GRM1: variants seen among roughly 807,000 people sequenced by gnomAD.
The protein encoded by GRM1 is glutamate metabotropic receptor 1, also known as metabotropic glutamate receptor 1.
In GRM1, 33 loss-of-function variants were observed where a neutral mutation model predicts 90.9. The ratio of observed to expected loss-of-function variants is 0.36; its 90% CI spans 0.28 to 0.49. The LOEUF (loss-of-function observed/expected upper bound fraction) is 0.49. Ranked by LOEUF, GRM1 falls within the 20% of genes least tolerant of loss-of-function variation. The pLI is 0.99. For missense variants in GRM1, 1,190 were observed against 1,534.3 expected (o/e 0.78, Z 3.75); for synonymous variants, 700 against 613.2 (o/e 1.14, Z -2.09).
At chr6:146,379,633 G>C (rs998794329) in intron 5 of GRM1, among the ~76,000 whole-genome samples, 4 of 152,126 alleles carry the variant, frequency 2.6e-5, no homozygotes, top group African/African-American at 9.7e-5. Context: ...GTTGATGCTA[G>C]TACATGCTCT....
chr6:146,028,746 G>T (rs914709913), upstream of GRM1, among the ~76,000 whole-genome samples: 10 of 152,052 alleles, frequency 6.6e-5, no homozygotes, highest in Non-Finnish European at 1.3e-4. Context: ...TAAAGTAAAA[G>T]GTGCATCCTT....
intron 1 of GRM1, among the ~76,000 whole-genome samples, chr6:146,046,116 C>T (rs575738112): frequency 3.3e-5 from 5 of 152,078 alleles, no homozygotes; most frequent in African/African-American, 9.6e-5. Context: ...CTTGCCTTTG[C>T]CTTTCTTACA....
intron 1 of GRM1, among the ~76,000 whole-genome samples, chr6:146,071,706 G>A (rs1354828770): frequency 6.6e-6 from 1 of 152,134 alleles, no homozygotes; most frequent in Non-Finnish European, 1.5e-5. Flanking sequence ...AGGGAGACAG[G>A]ATAAGGTAGG....
At chr6:146,269,463 A>G (rs1412201018) in intron 2 of GRM1, among the ~76,000 whole-genome samples, 1 of 152,218 alleles carries the variant, frequency 6.6e-6, no homozygotes, top group Non-Finnish European at 1.5e-5. Context: ...CTTCACAGAG[A>G]AGAGAATCTG....
intron 7 of GRM1, among the ~76,000 whole-genome samples, chr6:146,432,083 A>T (rs1382818997): frequency 6.6e-6 from 1 of 152,214 alleles, no homozygotes; most frequent in East Asian, 1.9e-4. Context: ...GATAGTGTGG[A>T]AGTCAATAAG....
intron 7 of GRM1, among the ~76,000 whole-genome samples, chr6:146,406,276 C>A (rs1170228069): frequency 6.6e-6 from 1 of 152,136 alleles, no homozygotes; most frequent in Non-Finnish European, 1.5e-5. Flanking sequence ...GACACTGGTT[C>A]TCACTCACCT....
chr6:146,346,019 C>A (rs192109818), intron 3 of GRM1, among the ~76,000 whole-genome samples: 1 of 152,370 alleles, frequency 6.6e-6, no homozygotes. Context: ...CTTGTTTCCT[C>A]TCTTATAGAA....
intron 1 of GRM1, among the ~76,000 whole-genome samples, chr6:146,059,862 T>G (rs1462456779): frequency 6.6e-6 from 1 of 152,192 alleles, no homozygotes; most frequent in Non-Finnish European, 1.5e-5. Context: ...CTGCAGAATC[T>G]TTCTTACCTC....
chr6:146,084,352 T>C (rs1018278771), intron 1 of GRM1, among the ~76,000 whole-genome samples: 16 of 152,048 alleles, frequency 1.1e-4, no homozygotes, highest in African/African-American at 3.6e-4. Flanking sequence ...GAGATCTTTC[T>C]AGCTTTCTGA....
At chr6:146,143,314 T>C (rs1295608283) in intron 1 of GRM1, among the ~76,000 whole-genome samples, 2 of 152,188 alleles carry the variant, frequency 1.3e-5, no homozygotes, top group Non-Finnish European at 2.9e-5. Flanking sequence ...GTAAAAGATA[T>C]ATAAAATGTG....
intron 2 of GRM1, among the ~76,000 whole-genome samples, chr6:146,208,107 G>T (rs1221380942): frequency 6.6e-6 from 1 of 151,866 alleles, no homozygotes; most frequent in East Asian, 1.9e-4. Flanking sequence ...GACTTCATTT[G>T]TATATACCTA....
chr6:146,285,905 T>G (rs373724584), intron 2 of GRM1, among the ~76,000 whole-genome samples: 1 of 152,220 alleles, frequency 6.6e-6, no homozygotes, highest in African/African-American at 2.4e-5. Context: ...AAATTGGATA[T>G]GCATATTTCA....
chr6:146,217,965 A>C (rs140607165), intron 2 of GRM1, among the ~76,000 whole-genome samples: 30 of 152,286 alleles, frequency 2.0e-4, no homozygotes, highest in African/African-American at 7.0e-4. Flanking sequence ...TTTGTTACAC[A>C]TATCTTTTTT....
chr6:146,169,947 C>T (rs1300166714), intron 2 of GRM1, among the ~76,000 whole-genome samples: 1 of 152,154 alleles, frequency 6.6e-6, no homozygotes, highest in African/African-American at 2.4e-5. Context: ...AAAATGATAT[C>T]TCACGTGGTT....
chr6:146,399,741 C>A lies in GRM1; in HGVS notation c.2660+42C>A. 1 of 1,337,150 alleles carries A rather than the reference C, an allele frequency of 7.5e-7. No individual in the cohort carries two copies. The highest frequency in any genetic ancestry group is 1.0e-6 in the Non-Finnish European group (1 of 957,060). 82.8% of individuals were successfully genotyped at this position (1,337,150 alleles called of 1,614,324 possible). ...GTTTGTCTCTCTTTTCTCTTCCTTT[C>A]TCTGTCTCTTTCTCTCTCTCTCTCT... On this transcript the variant is annotated intron_variant, in intron 7 of 7. Coordinates refer to ENST00000282753, the MANE Select transcript of GRM1 (RefSeq NM_001278064.2). This position sits in a 1 kb window ranked among gnomAD's most constrained non-coding sequence, Gnocchi z 5.4.
chr6:146,294,739 C>G (rs1378610459), intron 2 of GRM1, among the ~76,000 whole-genome samples: 1 of 152,124 alleles, frequency 6.6e-6, no homozygotes. Flanking sequence ...ATGTTACTTA[C>G]TGTACAAATT....
intron 7 of GRM1, among the ~76,000 whole-genome samples, chr6:146,431,317 C>A (rs921788561): frequency 6.6e-6 from 1 of 152,090 alleles, no homozygotes; most frequent in Non-Finnish European, 1.5e-5. Context: ...TAAAACAGAA[C>A]TAAATTCTGA....
chr6:146,203,078 C>T (rs1779368837), intron 2 of GRM1, among the ~76,000 whole-genome samples: 2 of 151,970 alleles, frequency 1.3e-5, no homozygotes, highest in African/African-American at 4.8e-5. Flanking sequence ...CCTGTAGTCC[C>T]AGCTACTGGG....
At chr6:146,043,796 T>TATAG (rs1554260528) in intron 1 of GRM1, among the ~76,000 whole-genome samples, 6 of 137,940 alleles carry the variant, frequency 4.3e-5, no homozygotes, top group African/African-American at 1.3e-4. Context: ...TATATATATA[T>TATAG]ATATATATAT....
Sources: gnomAD v4.1 joint callset for allele counts (sites outside exome capture counted in the v4.1 genomes callset) on GRCh38, gnomAD v4.1.1 for gene constraint, Gnocchi (gnomAD v3.1) non-coding constraint, MANE v1.5 for transcripts, NCBI Gene and HGNC (gene_info 2026-07-23, HGNC 2026-07-21) for gene names.